Variants in WWOX observed in about 807,000 individuals in gnomAD.
The protein encoded by WWOX is WW domain-containing oxidoreductase.
WWOX carries 69 observed loss-of-function variants against 46.2 expected under a neutral mutation model. The observed-to-expected ratio is 1.49, with a 90% CI of 1.23 to 1.82. The LOEUF is 1.82. Ranked by LOEUF, WWOX falls within the 40% of genes most tolerant of loss-of-function variation. The pLI, the probability that WWOX is intolerant of heterozygous loss-of-function variation, is 0.00. For missense variants in WWOX, 919 were observed against 542.6 expected, an observed-to-expected ratio of 1.69 and a Z score of -6.89; for synonymous variants, 359 against 202.6, an observed-to-expected ratio of 1.77 and a Z score of -6.56.
At chr16:79,054,241 G>A (rs374116244) in intron 8 of WWOX, among the ~76,000 whole-genome samples, 1 of 152,180 alleles carries the variant, frequency 6.6e-6, no homozygotes, top group African/African-American at 2.4e-5. Flanking sequence ...GATAATAAAA[G>A]GATTCATCAA....
chr16:78,492,358 C>T (rs1335279480), intron 8 of WWOX, among the ~76,000 whole-genome samples: 1 of 152,222 alleles, frequency 6.6e-6, no homozygotes, highest in Non-Finnish European at 1.5e-5. Flanking sequence ...ATGACATCGT[C>T]CACTGGAGGG....
chr16:78,931,323 C>T (rs1410940319), intron 8 of WWOX, among the ~76,000 whole-genome samples: 2 of 152,180 alleles, frequency 1.3e-5, no homozygotes, highest in Admixed American at 6.5e-5. Context: ...CAAAGAAGGT[C>T]TTCTTCTCTT....
At chr16:79,019,171 A>T in intron 8 of WWOX, among the ~76,000 whole-genome samples, 1 of 54,666 alleles carries the variant, frequency 1.8e-5, no homozygotes, top group Non-Finnish European at 3.1e-5. Flanking sequence ...AAAAAAAAAA[A>T]AAAAAAAAAA....
chr16:79,098,083 G>A (rs2049113615), intron 8 of WWOX, among the ~76,000 whole-genome samples: 1 of 152,178 alleles, frequency 6.6e-6, no homozygotes, highest in African/African-American at 2.4e-5. Context: ...GGTACATCAA[G>A]TTTTTGAGCT....
At chr16:78,590,282 C>G (rs1368404956) in intron 8 of WWOX, among the ~76,000 whole-genome samples, 5 of 152,146 alleles carry the variant, frequency 3.3e-5, no homozygotes, top group Non-Finnish European at 7.3e-5. Flanking sequence ...GGGCTGCTTT[C>G]TATCCTTCAA....
intron 8 of WWOX, among the ~76,000 whole-genome samples, chr16:79,088,766 G>C (rs1474412103): frequency 6.6e-6 from 1 of 152,102 alleles, no homozygotes; most frequent in African/African-American, 2.4e-5. Flanking sequence ...GGGCTGCTAA[G>C]ACTGCTTTAG....
intron 8 of WWOX, among the ~76,000 whole-genome samples, chr16:79,058,313 A>G (rs888407225): frequency 2.6e-5 from 4 of 152,130 alleles, no homozygotes; most frequent in African/African-American, 7.2e-5. Flanking sequence ...TAATTCCTAG[A>G]TCTAGAGTTG....
chr16:78,765,906 T>G (rs998023612), intron 8 of WWOX, among the ~76,000 whole-genome samples: 2 of 152,176 alleles, frequency 1.3e-5, no homozygotes, highest in Non-Finnish European at 2.9e-5. Context: ...TTACGTGGCT[T>G]CCATGCCCAT....
intron 8 of WWOX, among the ~76,000 whole-genome samples, chr16:78,816,430 T>G (rs1192620714): frequency 6.7e-6 from 1 of 149,132 alleles, no homozygotes; most frequent in Non-Finnish European, 1.5e-5. Flanking sequence ...AAAATAGAAA[T>G]GGAGGGCTTT....
chr16:78,664,060 G>A (rs1031729819), intron 8 of WWOX, among the ~76,000 whole-genome samples: 7 of 152,144 alleles, frequency 4.6e-5, no homozygotes, highest in South Asian at 2.1e-4. Context: ...TTTAAAAGAC[G>A]CCATGGTTGC....
At chr16:78,226,248 T>C (rs138843641) in intron 5 of WWOX, among the ~76,000 whole-genome samples, 1 of 152,242 alleles carries the variant, frequency 6.6e-6, no homozygotes, top group Non-Finnish European at 1.5e-5. Flanking sequence ...AGCTTGCAGA[T>C]TGCACCAAGC....
intron 6 of WWOX, among the ~76,000 whole-genome samples, chr16:78,390,506 A>G (rs572312253): frequency 6.6e-6 from 1 of 152,102 alleles, no homozygotes; most frequent in African/African-American, 2.4e-5. Context: ...CTGTAGCACA[A>G]CCCTCTTTGT....
intron 5 of WWOX, chr16:78,270,230 C>A (rs1567470052): frequency 6.6e-6 from 1 of 152,106 alleles, no homozygotes; most frequent in Non-Finnish European, 1.5e-5. Context: ...ATCCTCGGGT[C>A]TCTTGTGTTT....
chr16:78,438,839 TC>T (rs1368105785), intron 8 of WWOX, among the ~76,000 whole-genome samples: 1 of 152,100 alleles, frequency 6.6e-6, no homozygotes, highest in Non-Finnish European at 1.5e-5. Flanking sequence ...GCAATGCTGG[TC>T]CTGTTGCAAA....
At chr16:78,944,179 A>G (rs1375022426) in intron 8 of WWOX, among the ~76,000 whole-genome samples, 1 of 152,138 alleles carries the variant, frequency 6.6e-6, no homozygotes, top group African/African-American at 2.4e-5. Context: ...TTCAAGACTC[A>G]GCACAACACA....
chr16:79,012,116 C>G (rs2047322703), intron 8 of WWOX, among the ~76,000 whole-genome samples: 1 of 152,180 alleles, frequency 6.6e-6, no homozygotes, highest in African/African-American at 2.4e-5. Context: ...TGCTCTCGGC[C>G]CGCGCTGTCC....
At chr16:78,380,859 G>T (rs956611179) in intron 5 of WWOX, among the ~76,000 whole-genome samples, 2 of 152,124 alleles carry the variant, frequency 1.3e-5, no homozygotes, top group Admixed American at 1.3e-4. Context: ...ATTATTATTG[G>T]AAAACAATGG....
At chr16:79,037,767 T>A (rs571927989) in intron 8 of WWOX, among the ~76,000 whole-genome samples, 1 of 152,164 alleles carries the variant, frequency 6.6e-6, no homozygotes, top group African/African-American at 2.4e-5. Flanking sequence ...GAGTTGTTTT[T>A]ATCCCCTACA....
intron 8 of WWOX, among the ~76,000 whole-genome samples, chr16:78,961,231 G>C (rs1027962917): frequency 2.6e-5 from 4 of 152,062 alleles, no homozygotes; most frequent in African/African-American, 9.7e-5. Context: ...AGATTAACGA[G>C]GAAAAATGAG....
Sources: allele counts gnomAD v4.1 joint callset (sites outside exome capture counted in the v4.1 genomes callset), GRCh38; gene constraint gnomAD v4.1.1; transcripts MANE v1.5; gene names NCBI Gene and HGNC (gene_info 2026-07-23, HGNC 2026-07-21).